The following PRICKLE1 variants were observed in gnomAD, a reference collection of about 807,000 sequenced individuals.
The protein encoded by PRICKLE1 is prickle-like protein 1.
A neutral mutation model predicts 70.2 loss-of-function variants in PRICKLE1; 14 were observed. That is an observed-to-expected ratio of 0.20 (90% CI 0.13 to 0.31). PRICKLE1 has a LOEUF of 0.31. Among genes scored for constraint, PRICKLE1 ranks in the 10% least tolerant of loss-of-function variants. The pLI is 1.00. For synonymous variants in PRICKLE1, 357 were observed against 379.9 expected (o/e 0.94, Z 0.70); for missense variants, 821 against 1,026.2 (o/e 0.80, Z 2.73).
At chr12:42,557,244 C>A (rs1940427715) in intron 1 of PRICKLE1, among the ~76,000 whole-genome samples, 1 of 152,102 alleles carries the variant, frequency 6.6e-6, no homozygotes, top group East Asian at 1.9e-4. Flanking sequence ...TCAGTTTATT[C>A]AATACATAGG....
intron 7 of PRICKLE1, among the ~76,000 whole-genome samples, chr12:42,461,219 T>C (rs1566077443): frequency 6.6e-6 from 1 of 152,190 alleles, no homozygotes; most frequent in Non-Finnish European, 1.5e-5. Flanking sequence ...AGTCAAAGAT[T>C]AGTTAAGTAG....
chr12:42,481,236 T>C (rs1938781453), intron 1 of PRICKLE1, among the ~76,000 whole-genome samples: 2 of 152,186 alleles, frequency 1.3e-5, no homozygotes, highest in African/African-American at 2.4e-5. Flanking sequence ...TTATTCATAA[T>C]TTTCTTGAAC....
Position 42,466,177 on chromosome 12 carries a change from G to A in PRICKLE1, c.775+17C>T. The stretch of plus-strand genomic sequence containing the variant: ...AATGGCTAGGTGACAGGGCAGACGG[G>A]CTGGCTGTGGACTTACCAATATGTT... On this transcript the variant is annotated intron_variant, in intron 6 of 7. Transcript: ENST00000345127. The A allele has an allele frequency of 6.2e-7, 1 of 1,613,446 alleles. No homozygotes were observed. The highest frequency in any genetic ancestry group is 1.1e-5 in the South Asian group (1 of 91,066).
chr12:42,570,586 G>A (rs760754976), intron 1 of PRICKLE1, among the ~76,000 whole-genome samples: 12 of 152,180 alleles, frequency 7.9e-5, no homozygotes, highest in Admixed American at 2.6e-4. Context: ...TTGGGAGGCC[G>A]AAGCGGGTGG....
intron 1 of PRICKLE1, among the ~76,000 whole-genome samples, chr12:42,499,928 T>G (rs975958022): frequency 6.6e-6 from 1 of 151,472 alleles, no homozygotes; most frequent in African/African-American, 2.4e-5. Context: ...TTTTATTTTT[T>G]TTAGTAGAGA....
chr12:42,540,133 C>T (rs1404550916), intron 1 of PRICKLE1, among the ~76,000 whole-genome samples: 1 of 152,182 alleles, frequency 6.6e-6, no homozygotes, highest in Non-Finnish European at 1.5e-5. Flanking sequence ...AGAGTTAAAT[C>T]CATAGCTTTA....
At chr12:42,543,141 A>G (rs1940146128) in intron 1 of PRICKLE1, among the ~76,000 whole-genome samples, 1 of 152,112 alleles carries the variant, frequency 6.6e-6, no homozygotes, top group Non-Finnish European at 1.5e-5. Context: ...TGAGAAATAC[A>G]TTTCTGTTGT....
chr12:42,518,438 T>C (rs1939648109), intron 1 of PRICKLE1, among the ~76,000 whole-genome samples: 1 of 152,202 alleles, frequency 6.6e-6, no homozygotes, highest in Admixed American at 6.5e-5. Flanking sequence ...TCAACTGAAG[T>C]ATCTTTCCCT....
At chr12:42,465,431 C>T in intron 6 of PRICKLE1, 173 bp from the exon 7 acceptor site, 1 of 641,808 alleles carries the variant, frequency 1.6e-6, no homozygotes, top group Non-Finnish European at 2.6e-6. Flanking sequence ...AGTGTGCCTA[C>T]TCATAAAAAT....
At chr12:42,533,986 A>T (rs1194538172) in intron 1 of PRICKLE1, among the ~76,000 whole-genome samples, 1 of 152,164 alleles carries the variant, frequency 6.6e-6, no homozygotes, top group Non-Finnish European at 1.5e-5. Flanking sequence ...TATCCTCAAA[A>T]AGGTTCCTAT....
intron 1 of PRICKLE1, among the ~76,000 whole-genome samples, chr12:42,574,282 C>A (rs1283681040): frequency 6.6e-6 from 1 of 152,166 alleles, no homozygotes; most frequent in Non-Finnish European, 1.5e-5. Context: ...CTCCTTTCCA[C>A]CTCCCAACAA....
At chr12:42,517,582 T>G (rs560662503) in intron 1 of PRICKLE1, among the ~76,000 whole-genome samples, 60 of 152,170 alleles carry the variant, frequency 3.9e-4, no homozygotes, top group Admixed American at 2.8e-3. Flanking sequence ...AAAGTGCTGG[T>G]ATTACAGGCT....
chr12:42,475,111 A>G (rs376564754), intron 1 of PRICKLE1, among the ~76,000 whole-genome samples: 34 of 152,244 alleles, frequency 2.2e-4, no homozygotes, highest in African/African-American at 7.9e-4. Context: ...CCTCCTCCCA[A>G]TCACCTGGAA....
intron 6 of PRICKLE1, 90 bp downstream of exon 6, chr12:42,466,104 T>TA: frequency 2.8e-6 from 4 of 1,409,520 alleles, no homozygotes; most frequent in African/African-American, 1.4e-5. Flanking sequence ...ATCTCAACTT[T>TA]AAAAAACAGA....
At chr12:42,501,072 T>G (rs768239776) in intron 1 of PRICKLE1, among the ~76,000 whole-genome samples, 1 of 152,222 alleles carries the variant, frequency 6.6e-6, no homozygotes, top group Admixed American at 6.5e-5. Context: ...AGCGATTTAA[T>G]GAAGACTAAA....
intron 7 of PRICKLE1, among the ~76,000 whole-genome samples, chr12:42,461,310 C>T (rs1174088870): frequency 6.6e-6 from 1 of 152,188 alleles, no homozygotes; most frequent in East Asian, 1.9e-4. Flanking sequence ...GATGTAGAAG[C>T]TTCTGCTCCT....
intron 1 of PRICKLE1, among the ~76,000 whole-genome samples, chr12:42,537,631 T>TC (rs1324497106): frequency 6.6e-6 from 1 of 152,264 alleles, no homozygotes; most frequent in Non-Finnish European, 1.5e-5. Flanking sequence ...GAGTGTTTAC[T>TC]GTGTACCAGA....
intron 2 of PRICKLE1, among the ~76,000 whole-genome samples, chr12:42,471,628 G>A (rs1042362760): frequency 1.3e-5 from 2 of 152,052 alleles, no homozygotes; most frequent in Non-Finnish European, 2.9e-5. Context: ...CTCATAAAAC[G>A]TCCCACCCTA....
intron 1 of PRICKLE1, among the ~76,000 whole-genome samples, chr12:42,576,675 A>G (rs910189934): frequency 2.6e-5 from 4 of 152,222 alleles, no homozygotes; most frequent in African/African-American, 9.7e-5. Context: ...GAGACACATC[A>G]TGGCTCACTG....
Sources: gnomAD v4.1 joint callset for allele counts (sites outside exome capture counted in the v4.1 genomes callset) on GRCh38, gnomAD v4.1.1 for gene constraint, MANE v1.5 for transcripts, NCBI Gene and HGNC (gene_info 2026-07-23, HGNC 2026-07-21) for gene names.